The following OR1J2 variants were observed in gnomAD, a reference collection of about 807,000 sequenced individuals.
OR1J2 encodes the protein olfactory receptor family 1 subfamily J member 2, also known as olfactory receptor 1J2.
For missense variants in OR1J2, 304 were observed against 246.1 expected, an observed-to-expected ratio of 1.24 and a Z score of -1.57; for synonymous variants, 142 against 99.7, an observed-to-expected ratio of 1.42 and a Z score of -2.52.
chr9:122,537,229 A>C, the OR1J2 span, among the ~76,000 whole-genome samples: 98 of 152,322 alleles, frequency 6.4e-4, no homozygotes, highest in Middle Eastern at 3.4e-3. Flanking sequence ...ACCGGTGGTC[A>C]GAGAGAAACA....
the OR1J2 span, among the ~76,000 whole-genome samples, chr9:122,476,494 T>C: frequency 7.2e-5 from 11 of 152,326 alleles, no homozygotes; most frequent in Admixed American, 2.0e-4. Flanking sequence ...CAAAGTCCTA[T>C]ACAACATATC....
chr9:122,551,180 T>C, the OR1J2 span, among the ~76,000 whole-genome samples: 1 of 152,176 alleles, frequency 6.6e-6, no homozygotes, highest in Non-Finnish European at 1.5e-5. Flanking sequence ...AGTTGGATTA[T>C]TTTAGACCTA....
chr9:122,517,918 G>T, the OR1J2 span, among the ~76,000 whole-genome samples: 2 of 152,056 alleles, frequency 1.3e-5, no homozygotes, highest in Non-Finnish European at 1.5e-5. Context: ...TCTCCTCCCT[G>T]TGTTCTCATT....
the OR1J2 span, among the ~76,000 whole-genome samples, chr9:122,531,531 A>G: frequency 6.6e-6 from 1 of 152,216 alleles, no homozygotes; most frequent in Admixed American, 6.5e-5. Flanking sequence ...GAGCGTCTAT[A>G]CAGGAGCTCA....
the OR1J2 span, chr9:122,554,288 TAAAAA>T: frequency 1.8e-6 from 1 of 547,800 alleles, no homozygotes; most frequent in Non-Finnish European, 3.1e-6. Context: ...GTTAGGGATG[TAAAAA>T]AAAAAAAAAG....
the OR1J2 span, among the ~76,000 whole-genome samples, chr9:122,541,354 C>T: frequency 1.3e-5 from 2 of 152,072 alleles, no homozygotes; most frequent in African/African-American, 2.4e-5. Context: ...TGGTGCCTCT[C>T]GACTTGAGAG....
chr9:122,452,269 G>A, the OR1J2 span, among the ~76,000 whole-genome samples: 1 of 152,136 alleles, frequency 6.6e-6, no homozygotes, highest in African/African-American at 2.4e-5. Context: ...AGCCGGTTAA[G>A]GATCAACTTT....
chr9:122,520,064 A>G, the OR1J2 span: 1 of 1,612,514 alleles, frequency 6.2e-7, no homozygotes, highest in Non-Finnish European at 8.5e-7. Flanking sequence ...TCAACAGGGC[A>G]ACAGTCTTAT....
At chr9:122,567,218 T>C in the OR1J2 span, 1 of 199,556 alleles carries the variant, frequency 5.0e-6, no homozygotes, top group Non-Finnish European at 1.0e-5. Context: ...TGAAGAATTT[T>C]GGAGGATCTG....
chr9:122,471,452 G>A, the OR1J2 span: 2 of 152,216 alleles, frequency 1.3e-5, no homozygotes, highest in African/African-American at 4.8e-5. Flanking sequence ...CCAGTCTCAG[G>A]AGTGTCTTTA....
At chr9:122,535,637 T>G in the OR1J2 span, among the ~76,000 whole-genome samples, 1 of 152,156 alleles carries the variant, frequency 6.6e-6, no homozygotes, top group Non-Finnish European at 1.5e-5. Context: ...CTTGGGCTGC[T>G]GGGTCTGAGG....
rs112393801 is a variant in OR1J2, at chr9:122,511,405, G to T, written c.604G>T (p.Val202Leu). Residue 202 changes from valine to leucine, a missense_variant, in exon 1 of 1, where the codon GTA becomes TTA. Transcript: ENST00000335302. ...IFLNELVMFTVGVVVITLPFM... is the reference protein window; with the variant it reads ...IFLNELVMFTLGVVVITLPFM... Reference sequence around the variant, plus strand: ...CCTCAATGAGCTGGTCATGTTCACAGTAGGGGTGGTGGTCATTACCCTGCC... The same window carrying T: ...CCTCAATGAGCTGGTCATGTTCACATTAGGGGTGGTGGTCATTACCCTGCC... 4.0e-4 allele frequency: 307 copies of T among 764,448 alleles called. 1 individual carries two copies. The African/African-American group carries it at 4.4e-3, about 11-fold the overall frequency. 47.4% of individuals were successfully genotyped at this position (764,448 alleles called of 1,614,324 possible).
chr9:122,522,497 G>T, the OR1J2 span, among the ~76,000 whole-genome samples: 4 of 152,050 alleles, frequency 2.6e-5, no homozygotes, highest in Non-Finnish European at 5.9e-5. Flanking sequence ...ATTTGCTAAA[G>T]AATTAAGTTC....
chr9:122,461,565 C>T, the OR1J2 span, among the ~76,000 whole-genome samples: 3,660 of 152,062 alleles, frequency 0.024, 64 homozygotes, highest in Middle Eastern at 0.041. Context: ...ATGCTATAAA[C>T]GCTCCTTTTG....
At chr9:122,526,723 G>A in the OR1J2 span, 9 of 1,613,920 alleles carry the variant, frequency 5.6e-6, no homozygotes, top group Middle Eastern at 1.6e-4. Context: ...TCGTTGATGT[G>A]GGTGTCAGAA....
chr9:122,522,999 T>C, the OR1J2 span, among the ~76,000 whole-genome samples: 6 of 152,260 alleles, frequency 3.9e-5, no homozygotes, highest in South Asian at 1.2e-3. Flanking sequence ...ACACTGTTAC[T>C]ATCTATATTT....
the OR1J2 span, among the ~76,000 whole-genome samples, chr9:122,468,166 G>A: frequency 1.3e-5 from 2 of 152,160 alleles, no homozygotes; most frequent in Non-Finnish European, 2.9e-5. Flanking sequence ...ACCTATTAAA[G>A]CAAGTGGCTG....
chr9:122,461,378 T>C, the OR1J2 span, among the ~76,000 whole-genome samples: 1 of 149,836 alleles, frequency 6.7e-6, no homozygotes, highest in East Asian at 2.0e-4. Flanking sequence ...AATCATGTTA[T>C]TATCCTATCT....
At chr9:122,510,187 GC>G (rs538938619), upstream of OR1J2, among the ~76,000 whole-genome samples, 31 of 152,172 alleles carry the variant, frequency 2.0e-4, no homozygotes, top group African/African-American at 6.5e-4. Context: ...ATTTGAAAAG[GC>G]CACCTCTCAT....
Sources: allele counts gnomAD v4.1 joint callset (sites outside exome capture counted in the v4.1 genomes callset), GRCh38; gene constraint gnomAD v4.1.1; transcripts MANE v1.5; gene names NCBI Gene and HGNC (gene_info 2026-07-23, HGNC 2026-07-21).